PLCG2: variants seen among roughly 807,000 people sequenced by gnomAD.
The protein encoded by PLCG2 is phospholipase C gamma 2, also known as 1-phosphatidylinositol 4,5-bisphosphate phosphodiesterase gamma-2.
A neutral mutation model predicts 175.6 loss-of-function variants in PLCG2; 69 were observed. The observed-to-expected ratio is 0.39, with a 90% CI of 0.32 to 0.48. The LOEUF (loss-of-function observed/expected upper bound fraction) is 0.48. PLCG2 is among the 20% of genes least tolerant of loss of function. The pLI, the probability that PLCG2 is intolerant of heterozygous loss-of-function variation, is 0.91. For missense variants in PLCG2, 1,798 were observed against 1,650.9 expected (o/e 1.09, Z -1.54); for synonymous variants, 827 against 624.0 (o/e 1.33, Z -4.85).
chr16:81,882,264 G>C (rs1478987949), intron 8 of PLCG2, among the ~76,000 whole-genome samples: 1 of 152,172 alleles, frequency 6.6e-6, no homozygotes, highest in Admixed American at 6.5e-5. Flanking sequence ...GTGGCCTGCT[G>C]GCCAAGGCGG....
chr16:81,744,620 C>A (rs189922232), intron 1 of PLCG2, among the ~76,000 whole-genome samples: 1 of 151,376 alleles, frequency 6.6e-6, no homozygotes, highest in South Asian at 2.1e-4. Flanking sequence ...TTAAGATAGT[C>A]GTGCTCTGTC....
intron 2 of PLCG2, among the ~76,000 whole-genome samples, chr16:81,825,178 A>G (rs1364249472): frequency 3.9e-5 from 6 of 152,094 alleles, no homozygotes; most frequent in Admixed American, 3.9e-4. Context: ...GTTGTAAGCC[A>G]CTAGGTTTGT....
At chr16:81,881,391 G>T (rs1206080420) in intron 8 of PLCG2, among the ~76,000 whole-genome samples, 2 of 152,228 alleles carry the variant, frequency 1.3e-5, no homozygotes, top group Non-Finnish European at 2.9e-5. Context: ...CTGATAGATA[G>T]TAATATTATT....
At chr16:81,946,868 TA>T (rs1185031791) in intron 31 of PLCG2, among the ~76,000 whole-genome samples, 7 of 151,744 alleles carry the variant, frequency 4.6e-5, no homozygotes. Context: ...GCAGAAGCCT[TA>T]AACCAGTGAG....
upstream of PLCG2, among the ~76,000 whole-genome samples, chr16:81,774,736 C>G (rs1365134419): frequency 6.7e-6 from 1 of 150,236 alleles, no homozygotes; most frequent in Non-Finnish European, 1.5e-5. Flanking sequence ...AAATAACCCT[C>G]TAAGGGTGTT....
rs1201550515 is a variant in PLCG2 at position 81,866,435 on chromosome 16, C to T, written c.480-2779C>T. Among the ~76,000 whole-genome samples, 3 of 78,052 alleles carry T rather than the reference C, an allele frequency of 3.8e-5. 1 individual carries two copies. The highest frequency in any genetic ancestry group is 1.2e-3 in the South Asian group (2 of 1,726). 51.2% of individuals were successfully genotyped at this position (78,052 alleles called of 152,430 possible). On this transcript the variant is annotated intron_variant, in intron 5 of 32. Coordinates refer to ENST00000564138, the MANE Select transcript of PLCG2 (RefSeq NM_002661.5). ...GCTCCCAGGATGAGCTCCACTGGGG[C>T]ACCAGCATGAGAGGACGCTAGCCTC...
chr16:81,812,770 T>C (rs1904373054), intron 2 of PLCG2, among the ~76,000 whole-genome samples: 1 of 152,234 alleles, frequency 6.6e-6, no homozygotes, highest in African/African-American at 2.4e-5. Flanking sequence ...CTGAATGGTA[T>C]TGCCTAGGTT....
chr16:81,920,188 C>G (rs1010160059), intron 20 of PLCG2, among the ~76,000 whole-genome samples: 1 of 152,110 alleles, frequency 6.6e-6, no homozygotes, highest in Non-Finnish European at 1.5e-5. Flanking sequence ...GGCTCATAGG[C>G]CATTGTAAGG....
At position 81,891,367 on chromosome 16, in the gene PLCG2, C is replaced by T. The variant is rs567350190; in HGVS notation, c.868-105C>T. Reference sequence around the variant, plus strand: ...GTCTGGAGACCGCCTGTTGATTTCCCGCATCAGAGCTGTTCTTCCCCCCTG... The same window carrying T: ...GTCTGGAGACCGCCTGTTGATTTCCTGCATCAGAGCTGTTCTTCCCCCCTG... On this transcript the variant is annotated intron_variant, in intron 10 of 32. Coordinates refer to ENST00000564138, the MANE Select transcript of PLCG2 (RefSeq NM_002661.5). 12 of 728,432 alleles carry T rather than the reference C, an allele frequency of 1.6e-5. No individual in the cohort carries two copies. The East Asian group carries it at 2.2e-4, about 14-fold the overall frequency. 45.1% of individuals were successfully genotyped at this position (728,432 alleles called of 1,614,324 possible).
chr16:81,780,565 T>G (rs1029329700), intron 1 of PLCG2, among the ~76,000 whole-genome samples: 3 of 152,192 alleles, frequency 2.0e-5, no homozygotes, highest in Non-Finnish European at 4.4e-5. Flanking sequence ...CAATCGTCAT[T>G]GTGAGCCTCA....
At chr16:81,869,655 A>G (rs992433872) in intron 6 of PLCG2, among the ~76,000 whole-genome samples, 1 of 152,216 alleles carries the variant, frequency 6.6e-6, no homozygotes, top group African/African-American at 2.4e-5. Context: ...ATTATGAAAG[A>G]TTCCTTGTGT....
chr16:81,958,053 T>C lies in PLCG2; in HGVS notation c.*55T>C. The C allele has an allele frequency of 8.1e-7, 1 of 1,241,664 alleles. No homozygotes were observed. The highest frequency in any genetic ancestry group is 1.2e-5 in the South Asian group (1 of 83,258). 76.9% of individuals were successfully genotyped at this position (1,241,664 alleles called of 1,614,324 possible). A position where few individuals can be genotyped will look rare whatever the true frequency, so the allele number is the denominator to read the frequency against. ...GTGTGTGCGCATGTGTGTTTGCATG[T>C]AGGAGAACGTGCCCTATTCACACTC... On this transcript the variant is annotated 3_prime_UTR_variant, in exon 33 of 33. Coordinates refer to ENST00000564138, the MANE Select transcript of PLCG2 (RefSeq NM_002661.5).
intron 31 of PLCG2, among the ~76,000 whole-genome samples, chr16:81,954,874 C>A (rs939228526): frequency 6.6e-6 from 1 of 152,138 alleles, no homozygotes; most frequent in Admixed American, 6.5e-5. Context: ...ATTGCTGGGT[C>A]AAATGGTATT....
At chr16:81,824,772 C>A (rs558133422) in intron 2 of PLCG2, among the ~76,000 whole-genome samples, 2 of 151,908 alleles carry the variant, frequency 1.3e-5, no homozygotes, top group African/African-American at 2.4e-5. Context: ...CCTGCACATA[C>A]CCCCAAAGGT....
chr16:81,906,695 A>G (rs1175683628), intron 15 of PLCG2, among the ~76,000 whole-genome samples: 2 of 152,194 alleles, frequency 1.3e-5, no homozygotes, highest in African/African-American at 4.8e-5. Flanking sequence ...AAGTGCTAGG[A>G]TTACTGGCGT....
At chr16:81,817,973 C>T (rs916532349) in intron 2 of PLCG2, among the ~76,000 whole-genome samples, 1 of 152,176 alleles carries the variant, frequency 6.6e-6, no homozygotes, top group African/African-American at 2.4e-5. Context: ...AAGACAGATT[C>T]TGGGAGGGAA....
rs766368497 is a variant in PLCG2 at position 81,854,559 on chromosome 16, G to A, written c.309G>A (p.Gln103=). The part of the protein sequence containing the change: ...DCCFTILYGT[Q]FVLSTLSLAA... ...GCTTCACCATCCTATATGGCACTCAGTTCGTCCTCAGCACGCTCAGCTTGG... is the reference window on the plus strand; with the variant it reads ...GCTTCACCATCCTATATGGCACTCAATTCGTCCTCAGCACGCTCAGCTTGG... Residue 103 remains glutamine, a synonymous_variant, in exon 3 of 33, where the codon CAG becomes CAA. Coordinates refer to ENST00000564138, the MANE Select transcript of PLCG2 (RefSeq NM_002661.5). The A allele has an allele frequency of 2.8e-5, 45 of 1,613,996 alleles. No homozygotes were observed. The highest frequency in any genetic ancestry group is 3.7e-5 in the Non-Finnish European group (44 of 1,179,964).
At chr16:81,952,920 T>C (rs1336984036) in intron 31 of PLCG2, among the ~76,000 whole-genome samples, 1 of 152,200 alleles carries the variant, frequency 6.6e-6, no homozygotes, top group African/African-American at 2.4e-5. Context: ...TTACAGCGGA[T>C]AGACCCTGCA....
chr16:81,779,052 A>G (rs1910597713), upstream of PLCG2, among the ~76,000 whole-genome samples: 1 of 152,232 alleles, frequency 6.6e-6, no homozygotes, highest in East Asian at 1.9e-4. Flanking sequence ...CACCTGGCCA[A>G]GTGGCCTCGG....
Sources: allele counts gnomAD v4.1 joint callset (sites outside exome capture counted in the v4.1 genomes callset), GRCh38; gene constraint gnomAD v4.1.1; transcripts MANE v1.5; gene names NCBI Gene and HGNC (gene_info 2026-07-23, HGNC 2026-07-21).